The following DNAH3 variants were observed in gnomAD, a reference collection of about 807,000 sequenced individuals.
The protein encoded by DNAH3 is dynein axonemal heavy chain 3.
Under a neutral mutation model 432.5 loss-of-function variants are expected in DNAH3, and 332 were observed. The observed-to-expected ratio is 0.77, with a 90% CI of 0.70 to 0.84. The LOEUF is 0.84. DNAH3 is among the 40% of genes least tolerant of loss of function. The probability of loss-of-function intolerance (pLI) is 0.00; values close to 1 mark genes in which losing one functional copy is unlikely to be tolerated. For missense variants in DNAH3, 4,861 were observed against 5,114.0 expected, an observed-to-expected ratio of 0.95 and a Z score of 1.51; for synonymous variants, 1,956 against 1,900.2, an observed-to-expected ratio of 1.03 and a Z score of -0.76.
chr16:21,131,529 G>A (rs909552371), intron 7 of DNAH3, among the ~76,000 whole-genome samples: 7 of 150,198 alleles, frequency 4.7e-5, no homozygotes, highest in African/African-American at 1.7e-4. Flanking sequence ...AGGAAGGAAG[G>A]AAAGAAAGAA....
At chr16:20,958,489 G>C (rs923847609) in intron 54 of DNAH3, among the ~76,000 whole-genome samples, 1 of 152,092 alleles carries the variant, frequency 6.6e-6, no homozygotes, top group Admixed American at 6.6e-5. Context: ...GCATATACCA[G>C]AGCTGTAAGA....
rs912561432 is a variant in DNAH3, at chr16:20,980,571, G to C, written c.7860-1025C>G. ...GCACTTTTAGTAGAGATGGTGGGGGGTGGGGTAGGGGTTGCTATGTTGCCC... is the reference window on the plus strand; with the variant it reads ...GCACTTTTAGTAGAGATGGTGGGGGCTGGGGTAGGGGTTGCTATGTTGCCC... On this transcript the variant is annotated intron_variant, in intron 49 of 61. Transcript: ENST00000261383. Among the ~76,000 whole-genome samples the C allele has an allele frequency of 2.0e-5, 3 of 151,462 alleles. No individual in the cohort carries two copies. In the East Asian group the frequency reaches 5.8e-4, roughly 29 times the overall value.
chr16:21,155,424 C>G (rs2092891412), intron 1 of DNAH3, among the ~76,000 whole-genome samples: 1 of 151,804 alleles, frequency 6.6e-6, no homozygotes, highest in Non-Finnish European at 1.5e-5. Flanking sequence ...GAGTTTGAGA[C>G]CAGCCTGACC....
At chr16:21,036,644 T>C (rs2089184535) in intron 35 of DNAH3, 70 bp downstream of exon 35, 5 of 1,429,160 alleles carry the variant, frequency 3.5e-6, no homozygotes, top group Non-Finnish European at 4.8e-6. Context: ...CAATCTCCTA[T>C]AAGACTTTAC....
At chr16:20,950,826 G>A (rs74535458) in intron 56 of DNAH3, among the ~76,000 whole-genome samples, 3,744 of 152,150 alleles carry the variant, frequency 0.025, 70 homozygotes, top group Middle Eastern at 0.041. Context: ...GGTTGTATGT[G>A]TGTATGTTTT....
chr16:20,952,242 A>G (rs532986984), intron 56 of DNAH3, among the ~76,000 whole-genome samples, 191 bp downstream of exon 56: 42 of 152,150 alleles, frequency 2.8e-4, no homozygotes, highest in South Asian at 1.0e-3. Flanking sequence ...AAGGGTAAAG[A>G]TTCTATCTTA....
rs773405357 is a variant in DNAH3 at position 21,075,439 on chromosome 16, A to C, written c.3084+8T>G. On this transcript the variant is annotated splice_region_variant and intron_variant, in intron 21 of 61. Coordinates refer to ENST00000261383, the Ensembl canonical transcript of DNAH3. Reference sequence around the variant, plus strand: ...TTCAAAAGGGGCTGCGGTTGCAGTGAGACTCACAGTGTCCCTGTATTTCAC... The same window carrying C: ...TTCAAAAGGGGCTGCGGTTGCAGTGCGACTCACAGTGTCCCTGTATTTCAC... 6.3e-7 allele frequency: 1 copy of C among 1,595,530 alleles called. No individual in the cohort carries two copies. The highest frequency in any genetic ancestry group is 1.1e-5 in the South Asian group (1 of 90,722).
At chr16:21,007,637 TA>T (rs908053650) in intron 41 of DNAH3, among the ~76,000 whole-genome samples, 5 of 152,232 alleles carry the variant, frequency 3.3e-5, no homozygotes, top group African/African-American at 1.2e-4. Context: ...TAATTTGTAA[TA>T]AATTTCACCC....
rs1398949061 is a variant in DNAH3, at chr16:21,075,503, T to A, written c.3028A>T (p.Arg1010Ter). 1 of 1,614,092 alleles carries A rather than the reference T, an allele frequency of 6.2e-7. No individual in the cohort carries two copies. The highest frequency in any genetic ancestry group is 2.2e-5 in the East Asian group (1 of 44,878). Residue 1010 changes from arginine (R) to a stop codon, truncating the protein, a stop_gained, in exon 21 of 62, where the codon AGA (arginine) becomes TGA (stop). Coordinates refer to ENST00000261383, the Ensembl canonical transcript of DNAH3. LOFTEE classifies it high-confidence loss of function. ...ACGTTAACCCAATCCAACTTCATTC[T>A]ATCCAAGTTTTTCTCCAGAGAGTAT...
intron 51 of DNAH3, 126 bp downstream of exon 51, chr16:20,975,107 A>G (rs1479321744): frequency 1.4e-5 from 16 of 1,136,832 alleles, no homozygotes; most frequent in African/African-American, 3.1e-5. Flanking sequence ...CTGGGATTAC[A>G]GCTGTGAGCC....
intron 3 of DNAH3, among the ~76,000 whole-genome samples, chr16:21,141,867 A>G (rs928379656): frequency 1.3e-5 from 2 of 151,996 alleles, no homozygotes; most frequent in Non-Finnish European, 2.9e-5. Context: ...CCTGGCCAAC[A>G]TGGCGAAACC....
At chr16:21,119,965 C>T (rs1485109624) in intron 11 of DNAH3, among the ~76,000 whole-genome samples, 1 of 152,168 alleles carries the variant, frequency 6.6e-6, no homozygotes, top group East Asian at 1.9e-4. Context: ...GCTGGGATTA[C>T]AGGTGTGAGC....
chr16:21,120,592 T>C lies in DNAH3; in HGVS notation c.1699+148A>G, dbSNP rs547366765. 549 of 667,940 alleles carry C rather than the reference T, an allele frequency of 8.2e-4. 5 individuals are homozygous for C. In the African/African-American group the frequency reaches 8.4e-3, roughly 10 times the overall value. 41.4% of individuals were successfully genotyped at this position (667,940 alleles called of 1,614,324 possible). ...TTAAGGAGGAAGCTAGGGCTGTGGG[T>C]GTCACTAGATGGGGAACTCAGTCTA... On this transcript the variant is annotated intron_variant, in intron 11 of 61. Transcript: ENST00000261383.
intron 17 of DNAH3, 52 bp downstream of exon 17, chr16:21,098,564 A>C: frequency 6.5e-7 from 1 of 1,536,280 alleles, no homozygotes; most frequent in Non-Finnish European, 8.7e-7. Flanking sequence ...ACCAAGGATC[A>C]GAACCAATAG....
chr16:21,056,750 G>A (rs1004418388), intron 27 of DNAH3, among the ~76,000 whole-genome samples: 6 of 152,136 alleles, frequency 3.9e-5, no homozygotes, highest in Non-Finnish European at 7.3e-5. Flanking sequence ...GATGTATGAC[G>A]GGAAACATTC....
intron 20 of DNAH3, among the ~76,000 whole-genome samples, chr16:21,077,646 T>C (rs1374006677): frequency 6.6e-6 from 1 of 152,148 alleles, no homozygotes; most frequent in East Asian, 1.9e-4. Flanking sequence ...GGCAAACAAA[T>C]TCCTTTCTTC....
intron 18 of DNAH3, among the ~76,000 whole-genome samples, chr16:21,096,603 A>G (rs1267364301): frequency 1.3e-5 from 2 of 152,044 alleles, no homozygotes; most frequent in African/African-American, 4.8e-5. Context: ...TTCCCATTTG[A>G]TTGTTTCCAG....
chr16:21,004,127 G>A (rs1277839503), intron 41 of DNAH3, among the ~76,000 whole-genome samples: 1 of 152,144 alleles, frequency 6.6e-6, no homozygotes, highest in East Asian at 1.9e-4. Context: ...ATAATTTTAA[G>A]TCATTAAGGG....
chr16:21,153,986 T>G (rs191355931), intron 1 of DNAH3, among the ~76,000 whole-genome samples: 1 of 152,358 alleles, frequency 6.6e-6, no homozygotes, highest in Non-Finnish European at 1.5e-5. Context: ...TTTGGAATAA[T>G]TGAGACAGTG....
Sources: gnomAD v4.1 joint callset for allele counts (sites outside exome capture counted in the v4.1 genomes callset) on GRCh38, gnomAD v4.1.1 for gene constraint, MANE v1.5 for transcripts, NCBI Gene and HGNC (gene_info 2026-07-23, HGNC 2026-07-21) for gene names.